PCDHGA11: variants seen among roughly 807,000 people sequenced by gnomAD.
The protein encoded by PCDHGA11 is protocadherin gamma subfamily A, 11, also known as protocadherin gamma-A11.
A neutral mutation model predicts 60.4 loss-of-function variants in PCDHGA11; 39 were observed. The ratio of observed to expected loss-of-function variants is 0.65; its 90% CI spans 0.50 to 0.84. The LOEUF (loss-of-function observed/expected upper bound fraction) is 0.84, where lower values mean the gene tolerates loss of function less well. Among genes scored for constraint, PCDHGA11 ranks in the 40% least tolerant of loss-of-function variants. The probability of loss-of-function intolerance (pLI) is 0.00; values close to 1 mark genes in which losing one functional copy is unlikely to be tolerated. For missense variants in PCDHGA11, 1,165 were observed against 1,197.7 expected (o/e 0.97, Z 0.40); for synonymous variants, 533 against 510.3 (o/e 1.04, Z -0.60).
Position 141,485,549 on chromosome 5 carries a change from G to A in PCDHGA11, c.2434-9258G>A. 6.2e-7 allele frequency: 1 copy of A among 1,614,030 alleles called. No homozygotes were observed. The highest frequency in any genetic ancestry group is 1.1e-5 in the South Asian group (1 of 91,068). On this transcript the variant is annotated intron_variant, in intron 1 of 3. Transcript: ENST00000398587. The surrounding 1 kb of genome is among the most constrained non-coding windows in gnomAD (Gnocchi z 5.7). ...CCGAGCAGAGGTAGAGATCGTAGATGTGAATGATCACGCCCCCCGTTTTCC... is the reference window on the plus strand; with the variant it reads ...CCGAGCAGAGGTAGAGATCGTAGATATGAATGATCACGCCCCCCGTTTTCC...
chr5:141,491,441 A>G lies in PCDHGA11; in HGVS notation c.2434-3366A>G, dbSNP rs776616506. 1.2e-6 allele frequency: 2 copies of G among 1,614,146 alleles called. No homozygotes were observed. The highest frequency in any genetic ancestry group is 1.7e-6 in the Non-Finnish European group (2 of 1,180,032). ...GGTGGAGGGCAGTGCTGCAGGCGCCAGGACTCACCCTCCCCGGACTTCTAT... is the reference window on the plus strand; with the variant it reads ...GGTGGAGGGCAGTGCTGCAGGCGCCGGGACTCACCCTCCCCGGACTTCTAT... On this transcript the variant is annotated intron_variant, in intron 1 of 3. Coordinates refer to ENST00000398587, the MANE Select transcript of PCDHGA11 (RefSeq NM_018914.3). The surrounding 1 kb of genome is among the most constrained non-coding windows in gnomAD (Gnocchi z 6.9).
At chr5:141,427,426 C>G (rs569185252) in intron 1 of PCDHGA11, 1 of 469,896 alleles carries the variant, frequency 2.1e-6, no homozygotes, top group Admixed American at 2.3e-5. Flanking sequence ...GGGGAGGTTA[C>G]ATGCCTCATA....
chr5:141,482,032 C>T (rs1370023352), intron 1 of PCDHGA11, among the ~76,000 whole-genome samples: 1 of 151,018 alleles, frequency 6.6e-6, no homozygotes, highest in African/African-American at 2.4e-5. Flanking sequence ...TTGCAGTGAG[C>T]CAAGATCATG....
chr5:141,440,481 T>C (rs1451820594), intron 1 of PCDHGA11: 1 of 152,196 alleles, frequency 6.6e-6, no homozygotes, highest in African/African-American at 2.4e-5. Context: ...GAAAATTCTT[T>C]AAATGTTTTT....
chr5:141,486,166 G>A lies in PCDHGA11; in HGVS notation c.2434-8641G>A. ...GCGATGGGGGTTCTCCAGCCATGGA[G>A]CAACATTGCAGCCTTCGAGTGGATC... On this transcript the variant is annotated intron_variant, in intron 1 of 3. Coordinates refer to ENST00000398587, the MANE Select transcript of PCDHGA11 (RefSeq NM_018914.3). The surrounding 1 kb of genome is among the most constrained non-coding windows in gnomAD (Gnocchi z 5.0). The A allele has an allele frequency of 2.5e-6, 4 of 1,614,224 alleles. No individual in the cohort carries two copies. The highest frequency in any genetic ancestry group is 3.4e-6 in the Non-Finnish European group (4 of 1,180,040).
In PCDHGA11 at chr5:141,489,423, C is replaced by A. The variant is rs754178145; in HGVS notation, c.2434-5384C>A. 7.4e-6 allele frequency: 12 copies of A among 1,613,982 alleles called. No homozygotes were observed. Among genetic ancestry groups the A allele is most frequent in the Non-Finnish European group, 1.0e-5 (12 of 1,180,044 alleles). On this transcript the variant is annotated intron_variant, in intron 1 of 3. Transcript: ENST00000398587. The surrounding 1 kb of genome is among the most constrained non-coding windows in gnomAD (Gnocchi z 4.5). Reference sequence around the variant, plus strand: ...GCTTAAAGATGACAGATCTGTTGAGCCGGCGGCTGCAATTGGGCTCTGAGG... The same window carrying A: ...GCTTAAAGATGACAGATCTGTTGAGACGGCGGCTGCAATTGGGCTCTGAGG...
At chr5:141,483,656 G>A (rs1345435222) in intron 1 of PCDHGA11, among the ~76,000 whole-genome samples, 1 of 151,984 alleles carries the variant, frequency 6.6e-6, no homozygotes, top group Non-Finnish European at 1.5e-5. Flanking sequence ...GTTTGTGTGT[G>A]TGTGTGTGTG....
At position 141,437,741 on chromosome 5, in the gene PCDHGA11, C is replaced by CTT. The variant is rs35124340; in HGVS notation, c.2433+14095_2433+14096dup. 4.3e-3 allele frequency among the ~76,000 whole-genome samples: 606 copies of CTT among 141,726 alleles called. 5 individuals are homozygous for CTT. The highest frequency in any genetic ancestry group is 0.012 in the Admixed American group (164 of 14,230). 93.0% of individuals were successfully genotyped at this position (141,726 alleles called of 152,430 possible). A position where few individuals can be genotyped will look rare whatever the true frequency, so the allele number is the denominator to read the frequency against. On this transcript the variant is annotated intron_variant, in intron 1 of 3. Transcript: ENST00000398587. ...CTCTAATGTTACACTTTGAGTTCAC[C>CTT]TTTTTTTTTTTTTTTGAGACAGAGT...
rs148641580 is a variant in PCDHGA11 at position 141,437,874 on chromosome 5, A to C, written c.2433+14214A>C. 3.9e-4 allele frequency among the ~76,000 whole-genome samples: 59 copies of C among 151,954 alleles called. 1 individual carries two copies. In the East Asian group the frequency reaches 5.8e-3, roughly 15 times the overall value. Reference sequence around the variant, plus strand: ...TGCCTTAGCCTCCCGAGTAGCTGGGACTACAGGCACACGCCACCACACCCA... The same window carrying C: ...TGCCTTAGCCTCCCGAGTAGCTGGGCCTACAGGCACACGCCACCACACCCA... On this transcript the variant is annotated intron_variant, in intron 1 of 3. Transcript: ENST00000398587.
At position 141,476,901 on chromosome 5, in the gene PCDHGA11, G is replaced by C; in HGVS notation, c.2434-17906G>C. On this transcript the variant is annotated intron_variant, in intron 1 of 3. Coordinates refer to ENST00000398587, the MANE Select transcript of PCDHGA11 (RefSeq NM_018914.3). The surrounding 1 kb of genome is among the most constrained non-coding windows in gnomAD (Gnocchi z 7.6). ...CTGGAGGATGCACCCTCCGGCACGC[G>C]CGTGGTACAAGTCCTTGCAACGGAT... The C allele has an allele frequency of 1.2e-6, 2 of 1,613,900 alleles. No homozygotes were observed. Among genetic ancestry groups the C allele is most frequent in the Non-Finnish European group, 1.7e-6 (2 of 1,180,034 alleles).
Position 141,485,267 on chromosome 5 carries a change from C to T in PCDHGA11, c.2434-9540C>T, listed in dbSNP as rs767229426. On this transcript the variant is annotated intron_variant, in intron 1 of 3. Transcript: ENST00000398587. This position sits in a 1 kb window ranked among gnomAD's most constrained non-coding sequence, Gnocchi z 5.7. ...CCTGGGTTACGTTTGTGGGCAGATC[C>T]GCTACCCGGTCCCAGAGGAGTCACA... is the stretch of plus-strand genomic sequence containing the variant. 6.2e-7 allele frequency: 1 copy of T among 1,614,088 alleles called. No homozygotes were observed. Among genetic ancestry groups the T allele is most frequent in the South Asian group, 1.1e-5 (1 of 91,082 alleles).
intron 1 of PCDHGA11, among the ~76,000 whole-genome samples, chr5:141,484,358 G>A (rs2099595185): frequency 6.6e-6 from 1 of 152,160 alleles, no homozygotes; most frequent in South Asian, 2.1e-4. Flanking sequence ...AGTGTATCTA[G>A]TGTATCACTA....
chr5:141,481,066 A>G (rs1366968394), intron 1 of PCDHGA11, among the ~76,000 whole-genome samples: 1 of 152,156 alleles, frequency 6.6e-6, no homozygotes, highest in Non-Finnish European at 1.5e-5. Flanking sequence ...TCAAAAACAA[A>G]AAGAAAGAAA....
intron 1 of PCDHGA11, among the ~76,000 whole-genome samples, chr5:141,465,824 T>A (rs1447359333): frequency 6.6e-6 from 1 of 152,076 alleles, no homozygotes; most frequent in Non-Finnish European, 1.5e-5. Context: ...ATCACATTTG[T>A]TTAAAATTTC....
At position 141,487,991 on chromosome 5, in the gene PCDHGA11, G is replaced by C. The variant is rs932744807; in HGVS notation, c.2434-6816G>C. ...GCTGTTTTCTCTACTCTTCCTGAAA[G>C]AGGGGATCAGATTCTGAAGTACCTT... On this transcript the variant is annotated intron_variant, in intron 1 of 3. Coordinates refer to ENST00000398587, the MANE Select transcript of PCDHGA11 (RefSeq NM_018914.3). The surrounding 1 kb of genome is among the most constrained non-coding windows in gnomAD (Gnocchi z 5.0). 2.6e-5 allele frequency among the ~76,000 whole-genome samples: 4 copies of C among 152,194 alleles called. No homozygotes were observed. The highest frequency in any genetic ancestry group is 4.4e-5 in the Non-Finnish European group (3 of 68,030).
chr5:141,487,275 G>T lies in PCDHGA11; in HGVS notation c.2434-7532G>T, dbSNP rs747253888. 2.5e-6 allele frequency: 4 copies of T among 1,614,158 alleles called. No homozygotes were observed. The highest frequency in any genetic ancestry group is 1.1e-5 in the South Asian group (1 of 91,074). On this transcript the variant is annotated intron_variant, in intron 1 of 3. Coordinates refer to ENST00000398587, the MANE Select transcript of PCDHGA11 (RefSeq NM_018914.3). The surrounding 1 kb of genome is among the most constrained non-coding windows in gnomAD (Gnocchi z 5.0). ...TTGGCTGTGTCCCTAGTGGCAATTT[G>T]CTTTGTCTCCTTTGGCTCATTCGTG...
At chr5:141,443,820 T>A (rs1329478151) in intron 1 of PCDHGA11, among the ~76,000 whole-genome samples, 1 of 151,986 alleles carries the variant, frequency 6.6e-6, no homozygotes, top group Non-Finnish European at 1.5e-5. Context: ...TTGGAAAACA[T>A]AATTAGGTAA....
At chr5:141,428,245 C>A in intron 1 of PCDHGA11, 1 of 948,140 alleles carries the variant, frequency 1.1e-6, no homozygotes, top group South Asian at 1.4e-5. Flanking sequence ...GGAGGCACTG[C>A]CAGACTTCAG....
chr5:141,423,766 C>A, intron 1 of PCDHGA11, 106 bp downstream of exon 1: 1 of 1,110,086 alleles, frequency 9.0e-7, no homozygotes, highest in Non-Finnish European at 1.1e-6. Context: ...GGGGGTGGGG[C>A]GGCATATATT....
Sources: allele counts gnomAD v4.1 joint callset (sites outside exome capture counted in the v4.1 genomes callset), GRCh38; gene constraint gnomAD v4.1.1; non-coding constraint Gnocchi (gnomAD v3.1); transcripts MANE v1.5; gene names NCBI Gene and HGNC (gene_info 2026-07-23, HGNC 2026-07-21).